Variants in L3MBTL4 observed in about 807,000 individuals in gnomAD.
L3MBTL4 encodes the protein L3MBTL histone methyl-lysine binding protein 4.
L3MBTL4 carries 70 observed loss-of-function variants against 84.5 expected under a neutral mutation model. The observed-to-expected ratio is 0.83, with a 90% CI of 0.68 to 1.01. L3MBTL4 has a LOEUF of 1.01. Ranked by LOEUF, L3MBTL4 falls within the 50% of genes least tolerant of loss-of-function variation. The probability of loss-of-function intolerance (pLI) is 0.00; values close to 1 mark genes in which losing one functional copy is unlikely to be tolerated. For missense variants in L3MBTL4, 715 were observed against 754.8 expected, an observed-to-expected ratio of 0.95 and a Z score of 0.62; for synonymous variants, 274 against 259.8, an observed-to-expected ratio of 1.05 and a Z score of -0.52.
At chr18:6,343,034 G>C (rs1033430981) in intron 1 of L3MBTL4, among the ~76,000 whole-genome samples, 4 of 152,078 alleles carry the variant, frequency 2.6e-5, no homozygotes, top group African/African-American at 9.7e-5. Flanking sequence ...GCATCAAGAG[G>C]ATATAACAAT....
At chr18:6,154,110 G>A (rs960645779) in intron 13 of L3MBTL4, among the ~76,000 whole-genome samples, 4 of 152,080 alleles carry the variant, frequency 2.6e-5, no homozygotes, top group African/African-American at 9.7e-5. Context: ...ATAGATGTGA[G>A]CTAAAGTAGG....
At chr18:6,047,586 G>C (rs769980270) in intron 16 of L3MBTL4, among the ~76,000 whole-genome samples, 1 of 152,164 alleles carries the variant, frequency 6.6e-6, no homozygotes, top group Non-Finnish European at 1.5e-5. Flanking sequence ...GGGATGCAAG[G>C]TTGGTTCAAC....
chr18:6,312,165 A>AT (rs1489937271), intron 1 of L3MBTL4, 109 bp from the exon 2 acceptor site: 2 of 152,244 alleles, frequency 1.3e-5, no homozygotes, highest in Admixed American at 6.5e-5. Flanking sequence ...TTGAAATGAG[A>AT]TTTTTTACAG....
chr18:6,339,578 T>A (rs922899467), intron 1 of L3MBTL4, among the ~76,000 whole-genome samples: 1 of 86,062 alleles, frequency 1.2e-5, no homozygotes, highest in Non-Finnish European at 2.1e-5. Flanking sequence ...CAAAGTTTTT[T>A]AAAAAGAAAA....
chr18:6,028,291 A>G (rs1259819596), intron 16 of L3MBTL4, among the ~76,000 whole-genome samples: 1 of 152,240 alleles, frequency 6.6e-6, no homozygotes, highest in African/African-American at 2.4e-5. Context: ...TTTATTAAAT[A>G]GGGAATCCTT....
chr18:6,138,324 A>G (rs771936770), intron 13 of L3MBTL4, 28 bp from the exon 14 acceptor site: 4 of 1,356,838 alleles, frequency 2.9e-6, no homozygotes, highest in Non-Finnish European at 4.2e-6. Context: ...ACATGCCTTG[A>G]AAACACCCTC....
chr18:6,078,464 A>G (rs1173352507), intron 16 of L3MBTL4, among the ~76,000 whole-genome samples: 1 of 151,742 alleles, frequency 6.6e-6, no homozygotes, highest in African/African-American at 2.4e-5. Flanking sequence ...AAGGGGAAAA[A>G]AAGGAAGGAC....
rs958628163 is a variant in L3MBTL4, at chr18:6,103,556, A to G, written c.1200-10028T>C. ...AATAACTCAAAATGCCTTCAAGCACAATTTCAAAAATTATTCATGAATTAA... is the reference window on the plus strand; with the variant it reads ...AATAACTCAAAATGCCTTCAAGCACGATTTCAAAAATTATTCATGAATTAA... On this transcript the variant is annotated intron_variant, in intron 14 of 18. Coordinates refer to ENST00000317931, the MANE Select transcript of L3MBTL4 (RefSeq NM_001330559.2). Among the ~76,000 whole-genome samples, 3 of 152,224 alleles carry G rather than the reference A, an allele frequency of 2.0e-5. No individual in the cohort carries two copies. The South Asian group carries it at 6.2e-4, about 32-fold the overall frequency.
At chr18:5,956,485 T>C in intron 18 of L3MBTL4, 98 bp from the exon 19 acceptor site, 1 of 1,026,106 alleles carries the variant, frequency 9.7e-7, no homozygotes, top group Non-Finnish European at 1.5e-6. Context: ...GTGGAACCCG[T>C]CATAGCCTCC....
At chr18:5,984,054 G>C (rs2053357350) in intron 16 of L3MBTL4, among the ~76,000 whole-genome samples, 1 of 152,118 alleles carries the variant, frequency 6.6e-6, no homozygotes, top group African/African-American at 2.4e-5. Context: ...TGGGACTACA[G>C]GTGCATATCA....
At chr18:6,346,949 G>A (rs1004464697) in intron 1 of L3MBTL4, among the ~76,000 whole-genome samples, 16 of 152,196 alleles carry the variant, frequency 1.1e-4, no homozygotes, top group African/African-American at 2.6e-4. Flanking sequence ...CAGTTGAAGC[G>A]ATAAAGAAAA....
intron 12 of L3MBTL4, among the ~76,000 whole-genome samples, chr18:6,192,392 C>T (rs1016455044): frequency 6.6e-6 from 1 of 152,118 alleles, no homozygotes; most frequent in Admixed American, 6.5e-5. Flanking sequence ...TAAGGGGGTG[C>T]TTCATTAGAA....
intron 13 of L3MBTL4, among the ~76,000 whole-genome samples, chr18:6,158,685 C>T (rs2043197013): frequency 6.6e-6 from 1 of 152,172 alleles, no homozygotes; most frequent in African/African-American, 2.4e-5. Flanking sequence ...GACAGCTGTA[C>T]ATCTGTAGAA....
intron 4 of L3MBTL4, among the ~76,000 whole-genome samples, chr18:6,271,669 C>G (rs2048876410): frequency 1.3e-5 from 2 of 152,170 alleles, no homozygotes; most frequent in Admixed American, 1.3e-4. Flanking sequence ...ACAGAGGCAG[C>G]CATGGGGATG....
At chr18:6,258,480 G>A (rs1157222305) in intron 5 of L3MBTL4, among the ~76,000 whole-genome samples, 1 of 152,186 alleles carries the variant, frequency 6.6e-6, no homozygotes, top group Non-Finnish European at 1.5e-5. Context: ...CAAGAGAATG[G>A]CTGACATGAG....
intron 16 of L3MBTL4, among the ~76,000 whole-genome samples, chr18:5,979,015 G>A (rs992709617): frequency 2.6e-5 from 4 of 152,090 alleles, no homozygotes; most frequent in Admixed American, 6.5e-5. Flanking sequence ...TCCACCCCCC[G>A]GCACAGCACC....
chr18:5,980,349 A>G (rs1184334443), intron 16 of L3MBTL4, among the ~76,000 whole-genome samples: 1 of 152,010 alleles, frequency 6.6e-6, no homozygotes, highest in African/African-American at 2.4e-5. Context: ...GAAGTGAAAC[A>G]AAGCATCCCC....
intron 10 of L3MBTL4, among the ~76,000 whole-genome samples, chr18:6,218,066 A>G (rs2046398278): frequency 6.6e-6 from 1 of 151,862 alleles, no homozygotes; most frequent in African/African-American, 2.4e-5. Flanking sequence ...TATGAGTTAT[A>G]CTATATATTT....
intron 12 of L3MBTL4, among the ~76,000 whole-genome samples, chr18:6,211,484 A>T (rs1182666195): frequency 5.9e-5 from 9 of 152,230 alleles, no homozygotes; most frequent in Non-Finnish European, 1.0e-4. Flanking sequence ...TACTGGGCAA[A>T]GCTGAGAGAA....
Sources: allele counts gnomAD v4.1 joint callset (sites outside exome capture counted in the v4.1 genomes callset), GRCh38; gene constraint gnomAD v4.1.1; transcripts MANE v1.5; gene names NCBI Gene and HGNC (gene_info 2026-07-23, HGNC 2026-07-21).